NIPA1: variants seen among roughly 807,000 people sequenced by gnomAD.
NIPA1 encodes NIPA magnesium transporter 1.
In NIPA1, 13 loss-of-function variants were observed where a neutral mutation model predicts 23.9. The observed-to-expected ratio is 0.54, with a 90% CI of 0.35 to 0.87. The LOEUF (loss-of-function observed/expected upper bound fraction) is 0.87, where lower values mean the gene tolerates loss of function less well. NIPA1 is among the 40% of genes least tolerant of loss of function. The pLI, the probability that NIPA1 is intolerant of heterozygous loss-of-function variation, is 0.01. For synonymous variants in NIPA1, 234 were observed against 202.9 expected, an observed-to-expected ratio of 1.15 and a Z score of -1.30; for missense variants, 362 against 429.7, an observed-to-expected ratio of 0.84 and a Z score of 1.39.
Position 22,824,270 on chromosome 15 carries a change from A to G in NIPA1, c.*31A>G. ...AATAGGAGCTTGGATGGTTCGAGGAATAGGCATTGGAGGTGGTTTCTGGCC... is the reference window on the plus strand; with the variant it reads ...AATAGGAGCTTGGATGGTTCGAGGAGTAGGCATTGGAGGTGGTTTCTGGCC... On this transcript the variant is annotated 3_prime_UTR_variant, in exon 5 of 5. Transcript: ENST00000337435. This position sits in a 1 kb window ranked among gnomAD's most constrained non-coding sequence, Gnocchi z 4.1. The G allele has an allele frequency of 3.1e-6, 5 of 1,591,132 alleles. No individual in the cohort carries two copies. The highest frequency in any genetic ancestry group is 4.3e-6 in the Non-Finnish European group (5 of 1,159,158).
chr15:22,802,730 C>G (rs1895111608), intron 1 of NIPA1, among the ~76,000 whole-genome samples: 1 of 152,126 alleles, frequency 6.6e-6, no homozygotes, highest in Admixed American at 6.6e-5. Context: ...AAGGTGCCTA[C>G]TCTTCTGATG....
At chr15:22,821,412 T>G (rs1180426554) in intron 4 of NIPA1, among the ~76,000 whole-genome samples, 1 of 152,210 alleles carries the variant, frequency 6.6e-6, no homozygotes, top group Non-Finnish European at 1.5e-5. Context: ...CCACATCAGT[T>G]TGCTGGTTTA....
chr15:22,817,201 A>C lies in NIPA1; in HGVS notation c.318-3112A>C, dbSNP rs571432720. On this transcript the variant is annotated intron_variant, in intron 3 of 4. Transcript: ENST00000337435. ...GACTCTGTCTCAAAAAAAAAAAAAAAAAAAAAAAATTACATCTGCCAGGCG... is the reference window on the plus strand; with the variant it reads ...GACTCTGTCTCAAAAAAAAAAAAAACAAAAAAAAATTACATCTGCCAGGCG... 7.4e-5 allele frequency among the ~76,000 whole-genome samples: 11 copies of C among 149,170 alleles called. No homozygotes were observed. In the East Asian group the frequency reaches 2.2e-3, roughly 30 times the overall value.
At position 22,823,822 on chromosome 15, in the gene NIPA1, C is replaced by CA; in HGVS notation, c.574dup (p.Ile192AsnfsTer28). ...ATGGGCCCACCAACATCATGGTCTA[C>CA]ATCAGCATCTGCTCCTTGCTGGGCA... On this transcript the variant is annotated frameshift_variant, in exon 5 of 5. Coordinates refer to ENST00000337435, the MANE Select transcript of NIPA1 (RefSeq NM_144599.5). LOFTEE classifies it high-confidence loss of function. The CA allele has an allele frequency of 6.2e-7, 1 of 1,614,132 alleles. No homozygotes were observed. Among genetic ancestry groups the CA allele is most frequent in the Non-Finnish European group, 8.5e-7 (1 of 1,180,000 alleles).
Position 22,824,301 on chromosome 15 carries a change from T to A in NIPA1, c.*62T>A. 1 of 1,386,884 alleles carries A rather than the reference T, an allele frequency of 7.2e-7. No homozygotes were observed. Among genetic ancestry groups the A allele is most frequent in the Non-Finnish European group, 1.0e-6 (1 of 974,148 alleles). The allele number at this position is 1,386,884 out of a possible 1,614,324, so 85.9% of individuals were successfully genotyped here. Reference sequence around the variant, plus strand: ...ATTGGAGGTGGTTTCTGGCCGTGATTGGATGTGAAGTAGAAGAGGTCCTCG... The same window carrying A: ...ATTGGAGGTGGTTTCTGGCCGTGATAGGATGTGAAGTAGAAGAGGTCCTCG... On this transcript the variant is annotated 3_prime_UTR_variant, in exon 5 of 5. Coordinates refer to ENST00000337435, the MANE Select transcript of NIPA1 (RefSeq NM_144599.5). This position sits in a 1 kb window ranked among gnomAD's most constrained non-coding sequence, Gnocchi z 4.1.
chr15:22,786,937 T>C, intron 1 of NIPA1, 103 bp downstream of exon 1: 2 of 191,872 alleles, frequency 1.0e-5, no homozygotes, highest in Non-Finnish European at 1.8e-5. Context: ...GGGGACGGGG[T>C]CGGGGCCCGG....
intron 4 of NIPA1, among the ~76,000 whole-genome samples, chr15:22,821,939 AC>A (rs1398061145): frequency 6.6e-6 from 1 of 152,198 alleles, no homozygotes; most frequent in Non-Finnish European, 1.5e-5. Context: ...ATACTTTAAA[AC>A]AAAACATCCC....
intron 1 of NIPA1, among the ~76,000 whole-genome samples, chr15:22,794,264 A>G (rs1457479286): frequency 6.8e-6 from 1 of 146,910 alleles, no homozygotes; most frequent in Non-Finnish European, 1.5e-5. Flanking sequence ...ACAAATGACA[A>G]AGCCGGTGAT....
At position 22,829,327 on chromosome 15, in the gene NIPA1, A is replaced by G; in HGVS notation, c.*5088A>G. ...AGCTCAACCCTGATGCTGAACTGAC[A>G]CCAGGCGAATGTCAGGGCTCCCAAA... On this transcript the variant is annotated 3_prime_UTR_variant, in exon 5 of 5. Transcript: ENST00000337435. 6.6e-6 allele frequency: 1 copy of G among 152,368 alleles called. No homozygotes were observed. The allele number at this position is 152,368 out of a possible 1,614,324, so 9.4% of individuals were successfully genotyped here.
chr15:22,813,932 A>T (rs756849164), intron 3 of NIPA1, among the ~76,000 whole-genome samples: 3 of 152,192 alleles, frequency 2.0e-5, no homozygotes, highest in Admixed American at 2.0e-4. Flanking sequence ...AATCAGGCAG[A>T]TAAACAACCT....
chr15:22,817,031 A>T (rs932038779), intron 3 of NIPA1, among the ~76,000 whole-genome samples: 6 of 150,856 alleles, frequency 4.0e-5, no homozygotes, highest in Non-Finnish European at 7.4e-5. Flanking sequence ...AAAAATACAA[A>T]AAAAAATCAG....
Position 22,828,875 on chromosome 15 carries a change from G to A in NIPA1, c.*4636G>A, listed in dbSNP as rs1303998754. On this transcript the variant is annotated 3_prime_UTR_variant, in exon 5 of 5. Transcript: ENST00000337435. ...TCTTCAAATTGTTTCTAAAACACCG[G>A]CACTTTCAGCAGTGTTCTGGTGGCC... is the stretch of plus-strand genomic sequence containing the variant. 1.3e-5 allele frequency: 2 copies of A among 152,542 alleles called. No homozygotes were observed. The highest frequency in any genetic ancestry group is 4.8e-5 in the African/African-American group (2 of 41,408). 9.4% of individuals were successfully genotyped at this position (152,542 alleles called of 1,614,324 possible). A position where few individuals can be genotyped will look rare whatever the true frequency, so the allele number is the denominator to read the frequency against.
At chr15:22,798,650 C>T (rs1894995259) in intron 1 of NIPA1, among the ~76,000 whole-genome samples, 1 of 148,618 alleles carries the variant, frequency 6.7e-6, no homozygotes, top group African/African-American at 2.5e-5. Context: ...AGATCGAGAC[C>T]ATCCTGGCCA....
At chr15:22,805,883 T>G (rs1316820699) in intron 1 of NIPA1, among the ~76,000 whole-genome samples, 1 of 152,136 alleles carries the variant, frequency 6.6e-6, no homozygotes, top group African/African-American at 2.4e-5. Context: ...CCATCTATAT[T>G]TTTATACTAT....
intron 3 of NIPA1, among the ~76,000 whole-genome samples, chr15:22,818,392 C>G (rs748974642): frequency 1.3e-5 from 2 of 151,874 alleles, no homozygotes; most frequent in Admixed American, 1.3e-4. Flanking sequence ...GCCGAGATTG[C>G]GCCATTGCAC....
At chr15:22,791,729 G>C (rs907167791) in intron 1 of NIPA1, among the ~76,000 whole-genome samples, 16 of 152,016 alleles carry the variant, frequency 1.1e-4, no homozygotes, top group Non-Finnish European at 2.2e-4. Flanking sequence ...ACCTCCCAAA[G>C]TGCTGGGATT....
At chr15:22,810,720 T>A in intron 1 of NIPA1, 29 bp from the exon 2 acceptor site, 2 of 1,500,834 alleles carry the variant, frequency 1.3e-6, no homozygotes, top group South Asian at 2.3e-5. Flanking sequence ...AACCCACTTT[T>A]CTGACATTTT....
At chr15:22,817,584 C>T (rs143838087) in intron 3 of NIPA1, among the ~76,000 whole-genome samples, 52 of 151,158 alleles carry the variant, frequency 3.4e-4, no homozygotes, top group African/African-American at 1.1e-3. Context: ...GGGTGGATCA[C>T]GAGGTCAGGA....
rs1416572440 is a variant in NIPA1, at chr15:22,828,566, C to G, written c.*4327C>G. 1 of 152,502 alleles carries G rather than the reference C, an allele frequency of 6.6e-6. No individual in the cohort carries two copies. The highest frequency in any genetic ancestry group is 2.1e-4 in the South Asian group (1 of 4,834). 9.4% of individuals were successfully genotyped at this position (152,502 alleles called of 1,614,324 possible). A position where few individuals can be genotyped will look rare whatever the true frequency, so the allele number is the denominator to read the frequency against. ...TCATTTGTTTCATTCACATTCCTCA[C>G]GTGCAACAACATAATTATATTTTAA... On this transcript the variant is annotated 3_prime_UTR_variant, in exon 5 of 5. Transcript: ENST00000337435.
Sources: allele counts gnomAD v4.1 joint callset (sites outside exome capture counted in the v4.1 genomes callset), GRCh38; gene constraint gnomAD v4.1.1; non-coding constraint Gnocchi (gnomAD v3.1); transcripts MANE v1.5; gene names NCBI Gene and HGNC (gene_info 2026-07-23, HGNC 2026-07-21).